MPP4: variants seen among roughly 807,000 people sequenced by gnomAD.
MPP4 encodes the protein MAGUK p55 scaffold protein 4.
A neutral mutation model predicts 98.3 loss-of-function variants in MPP4; 91 were observed. The observed-to-expected ratio is 0.93, with a 90% confidence interval of 0.78 to 1.10. MPP4 has a LOEUF of 1.10. Ranked by LOEUF, MPP4 falls within the 50% of genes least tolerant of loss-of-function variation. The pLI is 0.00. For missense variants in MPP4, 744 were observed against 792.9 expected (o/e 0.94, Z 0.74); for synonymous variants, 261 against 271.8 (o/e 0.96, Z 0.39).
At position 201,651,067 on chromosome 2, in the gene MPP4, T is replaced by C. The variant is rs1687700344; in HGVS notation, c.1382-902A>G. 3.0e-6 allele frequency: 3 copies of C among 985,312 alleles called. No individual in the cohort carries two copies. The South Asian group carries it at 1.4e-4, about 46-fold the overall frequency. 61.0% of individuals were successfully genotyped at this position (985,312 alleles called of 1,614,324 possible). ...AAGACAGTTTCAACTCTGCATCCTA[T>C]ATACTGTAAAGCTAGTCCCTTAATC... is the stretch of plus-strand genomic sequence containing the variant. On this transcript the variant is annotated intron_variant, in intron 18 of 21. Transcript: ENST00000409474.
chr2:201,654,192 T>G (rs1687792537), intron 18 of MPP4, among the ~76,000 whole-genome samples: 1 of 152,112 alleles, frequency 6.6e-6, no homozygotes, highest in African/African-American at 2.4e-5. Flanking sequence ...GCCAAGCTGG[T>G]CTTGAACTCC....
At chr2:201,692,839 C>T (rs1689076482) in intron 3 of MPP4, 69 bp downstream of exon 3, 3 of 1,563,860 alleles carry the variant, frequency 1.9e-6, no homozygotes, top group Non-Finnish European at 2.6e-6. Context: ...TGGACTGAAG[C>T]TGTCATTTTC....
At position 201,657,590 on chromosome 2, in the gene MPP4, G is replaced by T. The variant is rs1338584176; in HGVS notation, c.1129+887C>A. ...TCTAACAGTGAGAACCCTGGCCCTT[G>T]TTTTTTTTTTGTTTTTTTGTTTTTT... On this transcript the variant is annotated intron_variant, in intron 16 of 21. Transcript: ENST00000409474. Among the ~76,000 whole-genome samples the T allele has an allele frequency of 7.1e-3, 646 of 90,658 alleles. 1 individual carries two copies. Among genetic ancestry groups the T allele is most frequent in the Admixed American group, 9.3e-3 (75 of 8,074 alleles). The allele number at this position is 90,658 out of a possible 152,430, so 59.5% of individuals were successfully genotyped here. A position where few individuals can be genotyped will look rare whatever the true frequency, so the allele number is the denominator to read the frequency against.
chr2:201,652,830 C>T (rs974824607), intron 18 of MPP4, among the ~76,000 whole-genome samples: 3 of 152,168 alleles, frequency 2.0e-5, no homozygotes, highest in Non-Finnish European at 4.4e-5. Context: ...GGCTAGAGTG[C>T]AGGGAGGGAG....
At chr2:201,683,584 A>G (rs1245732647) in intron 7 of MPP4, among the ~76,000 whole-genome samples, 1 of 151,722 alleles carries the variant, frequency 6.6e-6, no homozygotes, top group Non-Finnish European at 1.5e-5. Context: ...CTCTGTCTGT[A>G]CTAAAAATAC....
chr2:201,673,600 A>G, intron 11 of MPP4: 1 of 184,478 alleles, frequency 5.4e-6, no homozygotes, highest in Non-Finnish European at 1.1e-5. Context: ...GTTAAGTTTA[A>G]AAAAATAAAA....
At chr2:201,678,999 G>A (rs928572042) in intron 10 of MPP4, among the ~76,000 whole-genome samples, 1 of 151,962 alleles carries the variant, frequency 6.6e-6, no homozygotes, top group South Asian at 2.1e-4. Flanking sequence ...GCCTCCCATT[G>A]TCATACCCAA....
intron 17 of MPP4, 143 bp downstream of exon 17, chr2:201,656,055 C>T: frequency 1.1e-6 from 1 of 913,184 alleles, no homozygotes; most frequent in African/African-American, 1.7e-5. Context: ...CACACATGTA[C>T]AATGGCTTTG....
At chr2:201,666,911 A>G (rs1365450933) in intron 12 of MPP4, among the ~76,000 whole-genome samples, 3 of 152,132 alleles carry the variant, frequency 2.0e-5, no homozygotes, top group African/African-American at 7.2e-5. Flanking sequence ...ATGAAAATGT[A>G]TGATGTGGGA....
In MPP4 at chr2:201,649,146, C is replaced by T. The variant is rs190463379; in HGVS notation, c.1584+430G>A. Among the ~76,000 whole-genome samples, 303 of 152,078 alleles carry T rather than the reference C, an allele frequency of 2.0e-3. 2 individuals carry two copies. Among genetic ancestry groups the T allele is most frequent in the African/African-American group, 7.0e-3 (292 of 41,512 alleles). On this transcript the variant is annotated intron_variant, in intron 20 of 21. Transcript: ENST00000409474. ...ACAAAGTTCATAAAAATTGGGCCTA[C>T]GGATTGCATGCTGTTTATCTTACCT... is the stretch of plus-strand genomic sequence containing the variant.
chr2:201,653,178 C>T (rs2105913438), intron 18 of MPP4, among the ~76,000 whole-genome samples: 1 of 152,310 alleles, frequency 6.6e-6, no homozygotes, highest in East Asian at 1.9e-4. Flanking sequence ...ACAAGTCTAG[C>T]TGTGATGGAC....
intron 18 of MPP4, chr2:201,651,691 C>G (rs146589466): frequency 4.1e-6 from 4 of 981,410 alleles, no homozygotes; most frequent in Non-Finnish European, 3.6e-6. Context: ...CAGTGGCTCA[C>G]GCCTGTAATC....
In MPP4 at chr2:201,645,334, T is replaced by C; in HGVS notation, c.1790A>G (p.His597Arg). ...GTGCAAGCTGTCATTCACAATCACATGATCAAAAAATTGGCCAAACTGAGT... is the reference window on the plus strand; with the variant it reads ...GTGCAAGCTGTCATTCACAATCACACGATCAAAAAATTGGCCAAACTGAGT... ...METQFGQFFD[H>R]VIVNDSLHDA... Residue 597 changes from histidine to arginine, a missense_variant, in exon 22 of 22, where the codon CAT (histidine) becomes CGT (arginine). By Grantham distance (29) the His-to-Arg change is conservative (BLOSUM62 0). Transcript: ENST00000409474. The C allele has an allele frequency of 6.2e-7, 1 of 1,614,010 alleles. No homozygotes were observed. The highest frequency in any genetic ancestry group is 2.2e-5 in the East Asian group (1 of 44,878).
intron 10 of MPP4, among the ~76,000 whole-genome samples, chr2:201,676,666 G>T (rs191113626): frequency 1.3e-5 from 2 of 152,198 alleles, no homozygotes; most frequent in Non-Finnish European, 2.9e-5. Flanking sequence ...TTGGGAGGCC[G>T]AGGCAGGCAG....
At chr2:201,679,354 G>A (rs1473338357) in intron 10 of MPP4, among the ~76,000 whole-genome samples, 1 of 152,034 alleles carries the variant, frequency 6.6e-6, no homozygotes, top group Admixed American at 6.5e-5. Flanking sequence ...ATCACACTAT[G>A]TTTACCTAAT....
rs776979135 is a variant in MPP4, at chr2:201,680,872, C to A, written c.895G>T (p.Ala299Ser). Residue 299 changes from alanine (A) to serine (S), a missense_variant, in exon 10 of 22, where the codon GCT becomes TCT. Coordinates refer to ENST00000409474, the MANE Select transcript of MPP4 (RefSeq NM_033066.3). ...AGGTGGTTAGAAGGGACAAGCCCAG[C>A]GCAGGTAGCAGGGTCTGAGATTTTT... Reference protein sequence around the residue: ...ARKISDPATCAGLVPSNHLLK... With the variant: ...ARKISDPATCSGLVPSNHLLK... The A allele has an allele frequency of 2.4e-4, 380 of 1,613,234 alleles. No homozygotes were observed. Among genetic ancestry groups the A allele is most frequent in the Non-Finnish European group, 3.1e-4 (365 of 1,179,698 alleles).
At chr2:201,674,993 C>G (rs1343596836) in intron 11 of MPP4, 2 of 678,412 alleles carry the variant, frequency 2.9e-6, no homozygotes, top group Non-Finnish European at 5.4e-6. Context: ...CAATCAGTAG[C>G]AAGTGCCCAC....
chr2:201,655,997 C>T (rs17468765), intron 17 of MPP4, among the ~76,000 whole-genome samples: 1,848 of 152,270 alleles, frequency 0.012, 15 homozygotes, highest in Non-Finnish European at 0.02. Context: ...AACACATTCA[C>T]TTGTAGATTT....
chr2:201,666,275 C>A, intron 13 of MPP4, 59 bp downstream of exon 13: 1 of 1,443,438 alleles, frequency 6.9e-7, no homozygotes, highest in Non-Finnish European at 9.4e-7. Flanking sequence ...TTCAGATAAT[C>A]TATAATTGAC....
Sources: gnomAD v4.1 joint callset for allele counts (sites outside exome capture counted in the v4.1 genomes callset) on GRCh38, gnomAD v4.1.1 for gene constraint, MANE v1.5 for transcripts, NCBI Gene and HGNC (gene_info 2026-07-23, HGNC 2026-07-21) for gene names.